EYA4: variants seen among roughly 807,000 people sequenced by gnomAD.
EYA4 encodes EYA transcriptional coactivator and phosphatase 4.
Under a neutral mutation model 87.9 loss-of-function variants are expected in EYA4, and 31 were observed. The observed-to-expected ratio is 0.35, with a 90% CI of 0.27 to 0.48. The LOEUF is 0.48. Ranked by LOEUF, EYA4 falls within the 20% of genes least tolerant of loss-of-function variation. The pLI is 0.99. For missense variants in EYA4, 678 were observed against 761.4 expected (o/e 0.89, Z 1.29); for synonymous variants, 263 against 270.6 (o/e 0.97, Z 0.28).
rs1183224999 is a variant in EYA4, at chr6:133,464,787, T to G, written c.733T>G (p.Phe245Val). The change falls in exon 10 of 20, where the codon TTT (phenylalanine) becomes GTT (valine). Residue 245 changes from phenylalanine (F) to valine (V), a missense_variant. Phe to Val is a conservative substitution (Grantham distance 50). Transcript: ENST00000355286. Reference protein sequence around the residue: ...PYSYQMPGSSFAPSSTIYANN... With the variant: ...PYSYQMPGSSVAPSSTIYANN... Reference sequence around the variant, plus strand: ...TTGTTTTTTACCTCTAGGTTCTAGTTTTGCACCATCATCTACTATTTATGC... The same window carrying G: ...TTGTTTTTTACCTCTAGGTTCTAGTGTTGCACCATCATCTACTATTTATGC... 6.2e-7 allele frequency: 1 copy of G among 1,604,842 alleles called. No homozygotes were observed. The highest frequency in any genetic ancestry group is 1.1e-5 in the South Asian group (1 of 90,888).
At chr6:133,312,308 A>T (rs926642656) in intron 2 of EYA4, among the ~76,000 whole-genome samples, 5 of 151,760 alleles carry the variant, frequency 3.3e-5, no homozygotes, top group African/African-American at 9.7e-5. Flanking sequence ...ACTTGGGTGG[A>T]TCTTGGCAAA....
chr6:133,413,735 C>T (rs1339504153), intron 3 of EYA4, among the ~76,000 whole-genome samples: 1 of 152,164 alleles, frequency 6.6e-6, no homozygotes, highest in Non-Finnish European at 1.5e-5. Flanking sequence ...AATCTTAAAT[C>T]TCTGTTTCCA....
chr6:133,441,486 G>C (rs1032413416), intron 3 of EYA4, among the ~76,000 whole-genome samples: 3 of 152,206 alleles, frequency 2.0e-5, no homozygotes, highest in Non-Finnish European at 4.4e-5. Context: ...CGCACTTACA[G>C]ATAGAGCAAT....
Position 133,529,137 on chromosome 6 carries a change from C to A in EYA4, c.*332C>A. On this transcript the variant is annotated 3_prime_UTR_variant, in exon 20 of 20. Transcript: ENST00000355286. ...TGGCAAAGCAGCAACACACATGCTC[C>A]GTCTGACAAGGTGGTCAACAACATT... The A allele has an allele frequency of 8.4e-7, 1 of 1,186,066 alleles. No individual in the cohort carries two copies. 73.5% of individuals were successfully genotyped at this position (1,186,066 alleles called of 1,614,324 possible).
At chr6:133,421,845 A>G (rs976482879) in intron 3 of EYA4, among the ~76,000 whole-genome samples, 1 of 152,216 alleles carries the variant, frequency 6.6e-6, no homozygotes, top group Non-Finnish European at 1.5e-5. Context: ...AGGATTGTGA[A>G]TTTGGAAGGG....
chr6:133,475,623 G>A (rs1054208555), intron 11 of EYA4, among the ~76,000 whole-genome samples: 1 of 152,092 alleles, frequency 6.6e-6, no homozygotes, highest in African/African-American at 2.4e-5. Flanking sequence ...CTAACAAGAG[G>A]ATTTAGATAG....
chr6:133,444,438 T>C (rs188882456), intron 3 of EYA4, among the ~76,000 whole-genome samples: 314 of 152,276 alleles, frequency 2.1e-3, no homozygotes, highest in South Asian at 1.0e-2. Context: ...GTTCCCAGGA[T>C]GCAGATGCTG....
At chr6:133,341,484 T>C (rs1344773424) in intron 2 of EYA4, among the ~76,000 whole-genome samples, 1 of 152,160 alleles carries the variant, frequency 6.6e-6, no homozygotes, top group African/African-American at 2.4e-5. Flanking sequence ...ACATTAACAG[T>C]GGAGCCCTTT....
At chr6:133,379,652 T>C (rs1383210349) in intron 2 of EYA4, among the ~76,000 whole-genome samples, 2 of 152,156 alleles carry the variant, frequency 1.3e-5, no homozygotes, top group African/African-American at 4.8e-5. Context: ...CCCTCTCAGT[T>C]CACCCCATGG....
intron 2 of EYA4, among the ~76,000 whole-genome samples, chr6:133,380,527 G>C (rs1207049931): frequency 2.0e-5 from 3 of 152,150 alleles, no homozygotes; most frequent in Non-Finnish European, 4.4e-5. Flanking sequence ...TGGTGGTCTG[G>C]AGCTTCCTCA....
chr6:133,365,062 CTG>C (rs1784755206), intron 2 of EYA4, among the ~76,000 whole-genome samples: 1 of 152,174 alleles, frequency 6.6e-6, no homozygotes, highest in Admixed American at 6.5e-5. Context: ...TCAGGCTAGA[CTG>C]TTTGGTACAT....
chr6:133,259,552 G>T (rs1775622394), intron 1 of EYA4, among the ~76,000 whole-genome samples: 4 of 152,150 alleles, frequency 2.6e-5, no homozygotes, highest in Admixed American at 2.0e-4. Context: ...AGAGGAAAAA[G>T]GGTACTCAAA....
chr6:133,490,277 A>G (rs1047776815), intron 13 of EYA4, among the ~76,000 whole-genome samples: 1 of 152,172 alleles, frequency 6.6e-6, no homozygotes, highest in African/African-American at 2.4e-5. Flanking sequence ...AACAACCAGC[A>G]AACAAATAAC....
intron 3 of EYA4, among the ~76,000 whole-genome samples, chr6:133,427,231 C>A (rs1279523818): frequency 6.6e-6 from 1 of 152,172 alleles, no homozygotes; most frequent in Admixed American, 6.5e-5. Flanking sequence ...GAGGCAATTT[C>A]TTGAGTGGAA....
intron 2 of EYA4, among the ~76,000 whole-genome samples, chr6:133,367,481 T>C (rs1183094505): frequency 6.6e-6 from 1 of 152,230 alleles, no homozygotes; most frequent in African/African-American, 2.4e-5. Flanking sequence ...GATTCGCATA[T>C]TACTTTGAAG....
intron 3 of EYA4, among the ~76,000 whole-genome samples, chr6:133,434,376 C>T (rs1277496052): frequency 6.6e-6 from 1 of 152,132 alleles, no homozygotes; most frequent in Non-Finnish European, 1.5e-5. Context: ...TACAAGTTTT[C>T]AAATAGACAA....
In EYA4 at chr6:133,354,704, G is replaced by A. The variant is rs908709063; in HGVS notation, c.34-27688G>A. ...AAAATTTTAAAATACATTTTTGTTA[G>A]GACTTCTGGAACAAGAATATTTTAT... On this transcript the variant is annotated intron_variant, in intron 2 of 19. Transcript: ENST00000355286. Among the ~76,000 whole-genome samples, 11 of 152,028 alleles carry A rather than the reference G, an allele frequency of 7.2e-5. No homozygotes were observed. The East Asian group carries it at 2.1e-3, about 29-fold the overall frequency.
At chr6:133,260,373 G>A (rs934048922) in intron 1 of EYA4, among the ~76,000 whole-genome samples, 1 of 152,116 alleles carries the variant, frequency 6.6e-6, no homozygotes, top group Non-Finnish European at 1.5e-5. Flanking sequence ...GAATAGCTGG[G>A]ATCACAGGTG....
At chr6:133,473,677 G>A (rs952470364) in intron 11 of EYA4, among the ~76,000 whole-genome samples, 2 of 151,746 alleles carry the variant, frequency 1.3e-5, no homozygotes, top group African/African-American at 4.8e-5. Context: ...CCTCCTACCT[G>A]TGGGCACACA....
Sources: gnomAD v4.1 joint callset for allele counts (sites outside exome capture counted in the v4.1 genomes callset) on GRCh38, gnomAD v4.1.1 for gene constraint, MANE v1.5 for transcripts, NCBI Gene and HGNC (gene_info 2026-07-23, HGNC 2026-07-21) for gene names.